LARGE1: variants seen among roughly 807,000 people sequenced by gnomAD.
The protein encoded by LARGE1 is xylosyl- and glucuronyltransferase LARGE1.
A neutral mutation model predicts 87.6 loss-of-function variants in LARGE1; 43 were observed. The observed-to-expected ratio is 0.49, with a 90% confidence interval of 0.38 to 0.63. LARGE1 has a LOEUF of 0.63. Among genes scored for constraint, LARGE1 ranks in the 30% least tolerant of loss-of-function variants. The pLI is 0.00. For synonymous variants in LARGE1, 434 were observed against 394.6 expected, an observed-to-expected ratio of 1.10 and a Z score of -1.18; for missense variants, 802 against 1,000.2, an observed-to-expected ratio of 0.80 and a Z score of 2.67.
intron 9 of LARGE1, among the ~76,000 whole-genome samples, chr22:33,348,087 C>T (rs144456163): frequency 6.6e-6 from 1 of 152,188 alleles, no homozygotes; most frequent in Non-Finnish European, 1.5e-5. Context: ...GAGAGGAAGC[C>T]AGGCCAAGGG....
chr22:33,708,185 C>T (rs1192952704), intron 2 of LARGE1, among the ~76,000 whole-genome samples: 3 of 149,450 alleles, frequency 2.0e-5, no homozygotes, highest in East Asian at 2.1e-4. Context: ...TTGGCACTGT[C>T]GTGAGTCCAG....
chr22:33,531,383 C>T lies in LARGE1; in HGVS notation c.787+33465G>A, dbSNP rs1168114371. 3.3e-5 allele frequency among the ~76,000 whole-genome samples: 5 copies of T among 152,286 alleles called. No individual in the cohort carries two copies. In the East Asian group the frequency reaches 7.7e-4, roughly 24 times the overall value. On this transcript the variant is annotated intron_variant, in intron 6 of 14. Coordinates refer to ENST00000397394, the MANE Select transcript of LARGE1 (RefSeq NM_133642.5). ...ACGTTGGCCAGGCTGGTCTCGAACT[C>T]CTAACCTCAGGTGATCCACCCGCCT...
At chr22:33,414,649 G>A (rs541198634) in intron 7 of LARGE1, among the ~76,000 whole-genome samples, 115 of 152,304 alleles carry the variant, frequency 7.6e-4, no homozygotes, top group Middle Eastern at 3.4e-3. Context: ...TATTGCTTCC[G>A]TTTCCAGGCA....
chr22:33,510,154 T>C (rs2070985746), intron 6 of LARGE1, among the ~76,000 whole-genome samples: 1 of 152,150 alleles, frequency 6.6e-6, no homozygotes, highest in African/African-American at 2.4e-5. Flanking sequence ...GTAAACACAA[T>C]AATAGTAACT....
At chr22:33,624,645 A>T (rs2149069995) in intron 4 of LARGE1, among the ~76,000 whole-genome samples, 1 of 152,228 alleles carries the variant, frequency 6.6e-6, no homozygotes, top group South Asian at 2.1e-4. Context: ...AAAAGAGGAG[A>T]CAGAAAGCAC....
intron 3 of LARGE1, among the ~76,000 whole-genome samples, chr22:33,644,776 CAGAG>C (rs1196084264): frequency 3.3e-5 from 5 of 152,230 alleles, no homozygotes; most frequent in African/African-American, 1.2e-4. Context: ...AACAGACAAA[CAGAG>C]AGCCAAATCA....
intron 11 of LARGE1, among the ~76,000 whole-genome samples, chr22:33,213,226 A>C (rs1012773516): frequency 1.4e-4 from 22 of 152,192 alleles, no homozygotes; most frequent in Admixed American, 3.3e-4. Context: ...GCAGCCTCAT[A>C]ATAAAGCTTG....
chr22:33,137,179 T>C, the LARGE1 span: 2,227 of 152,302 alleles, frequency 0.015, 34 homozygotes, highest in Admixed American at 0.053. Flanking sequence ...AGTGGAAAAC[T>C]TCCTCTTCCT....
intron 7 of LARGE1, among the ~76,000 whole-genome samples, chr22:33,416,053 C>A (rs779832079): frequency 3.3e-5 from 5 of 152,180 alleles, no homozygotes; most frequent in Non-Finnish European, 5.9e-5. Flanking sequence ...ATTTCCCATT[C>A]ATGCCATTTT....
At chr22:33,571,626 A>G (rs113463828) in intron 5 of LARGE1, among the ~76,000 whole-genome samples, 1 of 152,202 alleles carries the variant, frequency 6.6e-6, no homozygotes, top group African/African-American at 2.4e-5. Flanking sequence ...CAGTAAAGAT[A>G]ATAATAGAAA....
At chr22:33,344,543 G>C (rs975401796) in intron 9 of LARGE1, among the ~76,000 whole-genome samples, 11 of 152,120 alleles carry the variant, frequency 7.2e-5, no homozygotes, top group African/African-American at 2.7e-4. Context: ...ACACAGCAGA[G>C]GTAGAAGTAG....
At chr22:33,178,139 A>G (rs549770145) in intron 11 of LARGE1, among the ~76,000 whole-genome samples, 33 of 152,198 alleles carry the variant, frequency 2.2e-4, no homozygotes, top group African/African-American at 7.5e-4. Context: ...CTAATACATC[A>G]CTTTTATTTA....
In LARGE1 at chr22:33,648,667, C is replaced by T. The variant is rs549697847; in HGVS notation, c.408+1700G>A. On this transcript the variant is annotated intron_variant, in intron 3 of 14. Coordinates refer to ENST00000397394, the MANE Select transcript of LARGE1 (RefSeq NM_133642.5). ...ACGTGGCTGAATGCCCGTTTTCATACATAGAGATATTAAGTAACAGAAGCC... is the reference window on the plus strand; with the variant it reads ...ACGTGGCTGAATGCCCGTTTTCATATATAGAGATATTAAGTAACAGAAGCC... Among the ~76,000 whole-genome samples, 3 of 152,292 alleles carry T rather than the reference C, an allele frequency of 2.0e-5. No individual in the cohort carries two copies. The South Asian group carries it at 6.2e-4, about 32-fold the overall frequency.
intron 1 of LARGE1, among the ~76,000 whole-genome samples, chr22:33,915,018 C>G (rs1248215125): frequency 1.1e-5 from 1 of 92,734 alleles, no homozygotes; most frequent in Non-Finnish European, 2.1e-5. Context: ...CACAAACACA[C>G]ACACACACAC....
At chr22:33,785,187 A>G (rs995480003) in intron 1 of LARGE1, among the ~76,000 whole-genome samples, 3 of 150,392 alleles carry the variant, frequency 2.0e-5, no homozygotes, top group African/African-American at 7.4e-5. Flanking sequence ...ATGTGTATAT[A>G]CATATATGTG....
rs573067294 is a variant in LARGE1, at chr22:33,176,599, A to G, written c.1731-9767T>C. Among the ~76,000 whole-genome samples, 158 of 152,318 alleles carry G rather than the reference A, an allele frequency of 1.0e-3. 1 individual carries two copies. The highest frequency in any genetic ancestry group is 3.7e-3 in the African/African-American group (154 of 41,560). ...CATTAGAGAAATGCAAATCAAAATC[A>G]TAATGAGATACCACCTCACTCCAGT... On this transcript the variant is annotated intron_variant, in intron 11 of 11. Coordinates refer to the LARGE1 transcript ENST00000608642.
chr22:33,905,494 TTAAAA>T (rs2065419599), intron 1 of LARGE1, among the ~76,000 whole-genome samples: 2 of 152,332 alleles, frequency 1.3e-5, no homozygotes, highest in South Asian at 4.1e-4. Flanking sequence ...CATTAACATT[TTAAAA>T]TAAAACTTTC....
At chr22:33,202,102 T>C (rs938762187) in intron 11 of LARGE1, among the ~76,000 whole-genome samples, 1 of 126,908 alleles carries the variant, frequency 7.9e-6, no homozygotes, top group African/African-American at 2.9e-5. Flanking sequence ...CATCACGGCA[T>C]GATAAAAAAA....
chr22:33,263,319 A>G (rs1927748305), intron 11 of LARGE1, among the ~76,000 whole-genome samples: 1 of 152,210 alleles, frequency 6.6e-6, no homozygotes, highest in Non-Finnish European at 1.5e-5. Context: ...GATGAGCAGG[A>G]CCTGGGAATA....
Sources: gnomAD v4.1 joint callset for allele counts (sites outside exome capture counted in the v4.1 genomes callset) on GRCh38, gnomAD v4.1.1 for gene constraint, MANE v1.5 for transcripts, NCBI Gene and HGNC (gene_info 2026-07-23, HGNC 2026-07-21) for gene names.